STXBP5: variants seen among roughly 807,000 people sequenced by gnomAD.
The protein encoded by STXBP5 is syntaxin binding protein 5.
Under a neutral mutation model 152.4 loss-of-function variants are expected in STXBP5, and 50 were observed. The observed-to-expected ratio is 0.33, with a 90% CI of 0.26 to 0.42. The LOEUF (loss-of-function observed/expected upper bound fraction) is 0.42. Ranked by LOEUF, STXBP5 falls within the 10% of genes least tolerant of loss-of-function variation. STXBP5 has a pLI of 1.00. For missense variants in STXBP5, 1,167 were observed against 1,388.6 expected, an observed-to-expected ratio of 0.84 and a Z score of 2.54; for synonymous variants, 492 against 494.7, an observed-to-expected ratio of 0.99 and a Z score of 0.07.
At chr6:147,239,072 T>G (rs1415350826) in intron 3 of STXBP5, 98 bp from the exon 4 acceptor site, 1 of 1,087,716 alleles carries the variant, frequency 9.2e-7, no homozygotes, top group East Asian at 2.6e-5. Context: ...GGCAGAAAGT[T>G]TTGAAATTTG....
intron 9 of STXBP5, chr6:147,293,335 G>C (rs550688621): frequency 6.6e-6 from 1 of 152,176 alleles, no homozygotes; most frequent in African/African-American, 2.4e-5. Flanking sequence ...AATTTCTTTT[G>C]TCACCTAAGA....
At chr6:147,239,090 G>A (rs1778413126) in intron 3 of STXBP5, 80 bp from the exon 4 acceptor site, 2 of 1,258,848 alleles carry the variant, frequency 1.6e-6, no homozygotes, top group Non-Finnish European at 1.1e-6. Flanking sequence ...TTGGGAAGGA[G>A]ATATTTCTGG....
chr6:147,305,477 A>G (rs1782042826), intron 9 of STXBP5, among the ~76,000 whole-genome samples: 1 of 152,134 alleles, frequency 6.6e-6, no homozygotes, highest in Non-Finnish European at 1.5e-5. Flanking sequence ...AAGATTATTA[A>G]TATTTTTCGA....
In STXBP5 at chr6:147,314,678, A is replaced by G. The variant is rs780498800; in HGVS notation, c.1402+42A>G. 6.8e-6 allele frequency: 10 copies of G among 1,471,702 alleles called. No individual in the cohort carries two copies. The Admixed American group carries it at 9.6e-5, about 14-fold the overall frequency. 91.2% of individuals were successfully genotyped at this position (1,471,702 alleles called of 1,614,324 possible). A position where few individuals can be genotyped will look rare whatever the true frequency, so the allele number is the denominator to read the frequency against. Reference sequence around the variant, plus strand: ...TTCATTATTTGTTATATGTTATACAATCACTGCTTTTATGCATCCTGTTTT... The same window carrying G: ...TTCATTATTTGTTATATGTTATACAGTCACTGCTTTTATGCATCCTGTTTT... On this transcript the variant is annotated intron_variant, in intron 14 of 27. Transcript: ENST00000321680.
chr6:147,383,796 T>G (rs1786211593), intron 27 of STXBP5, among the ~76,000 whole-genome samples: 1 of 152,072 alleles, frequency 6.6e-6, no homozygotes, highest in South Asian at 2.1e-4. Flanking sequence ...CAACCAAAAG[T>G]CATTTCCTCC....
chr6:147,373,866 A>G (rs749134003), intron 26 of STXBP5, 24 bp downstream of exon 26: 2 of 1,554,346 alleles, frequency 1.3e-6, no homozygotes, highest in Non-Finnish European at 1.8e-6. Flanking sequence ...TTTAATTCGG[A>G]TAATATATCT....
chr6:147,233,888 CTACTATTACTACTAA>C (rs545288373), intron 2 of STXBP5, among the ~76,000 whole-genome samples: 224 of 150,096 alleles, frequency 1.5e-3, no homozygotes, highest in Non-Finnish European at 2.7e-3. Flanking sequence ...ATTACTACTA[CTACTATTACTACTAA>C]CAATAATTCT....
intron 8 of STXBP5, among the ~76,000 whole-genome samples, chr6:147,285,732 G>T (rs1780928789): frequency 6.6e-6 from 1 of 151,992 alleles, no homozygotes; most frequent in Non-Finnish European, 1.5e-5. Flanking sequence ...TACCTAGCCA[G>T]GTTTTTTGCA....
intron 22 of STXBP5, among the ~76,000 whole-genome samples, chr6:147,355,429 T>A (rs893609195): frequency 6.6e-6 from 1 of 152,158 alleles, no homozygotes; most frequent in Non-Finnish European, 1.5e-5. Context: ...TGCAGCTGGA[T>A]GGAGGCATTA....
At position 147,384,815 on chromosome 6, in the gene STXBP5, A is replaced by G; in HGVS notation, c.*60A>G. 1 of 1,527,690 alleles carries G rather than the reference A, an allele frequency of 6.5e-7. No individual in the cohort carries two copies. Among genetic ancestry groups the G allele is most frequent in the Non-Finnish European group, 9.0e-7 (1 of 1,111,546 alleles). The allele number at this position is 1,527,690 out of a possible 1,614,324, so 94.6% of individuals were successfully genotyped here. A position where few individuals can be genotyped will look rare whatever the true frequency, so the allele number is the denominator to read the frequency against. ...AGGAAAAAAGTTTTCCATTTTTATT[A>G]CATTCTTTAGGAAAGTTAACGTTAA... On this transcript the variant is annotated 3_prime_UTR_variant, in exon 28 of 28. Coordinates refer to ENST00000321680, the MANE Select transcript of STXBP5 (RefSeq NM_001127715.4).
At chr6:147,328,795 TGCCTTGGCA>T in intron 18 of STXBP5, 1 of 469,292 alleles carries the variant, frequency 2.1e-6, no homozygotes, top group Admixed American at 2.4e-5. Context: ...AAGTCATTTA[TGCCTTGGCA>T]TGTTTGTTCT....
At chr6:147,348,697 A>T (rs1273728828) in intron 21 of STXBP5, among the ~76,000 whole-genome samples, 1 of 152,162 alleles carries the variant, frequency 6.6e-6, no homozygotes, top group Non-Finnish European at 1.5e-5. Context: ...ATAAAACTCT[A>T]TCCTAAGGAA....
At chr6:147,257,639 A>G (rs995836849) in intron 4 of STXBP5, among the ~76,000 whole-genome samples, 1 of 152,166 alleles carries the variant, frequency 6.6e-6, no homozygotes, top group Non-Finnish European at 1.5e-5. Context: ...CCACAGCAGT[A>G]TTTCAGCTTC....
intron 25 of STXBP5, among the ~76,000 whole-genome samples, chr6:147,366,874 T>G (rs1272631784): frequency 6.6e-6 from 1 of 152,174 alleles, no homozygotes; most frequent in African/African-American, 2.4e-5. Context: ...AGAATGAAAT[T>G]CAAGAAAACT....
intron 5 of STXBP5, among the ~76,000 whole-genome samples, chr6:147,261,040 A>G (rs1286545515): frequency 1.3e-5 from 2 of 152,004 alleles, no homozygotes; most frequent in African/African-American, 4.8e-5. Flanking sequence ...AATGAAAATC[A>G]TCTAATTTTT....
At chr6:147,370,728 C>G (rs535923758) in intron 25 of STXBP5, among the ~76,000 whole-genome samples, 23 of 152,086 alleles carry the variant, frequency 1.5e-4, no homozygotes, top group African/African-American at 5.5e-4. Context: ...AACAAAACCC[C>G]AAGTAATCAC....
chr6:147,380,223 GAA>G (rs1370866047), intron 26 of STXBP5, among the ~76,000 whole-genome samples: 2 of 143,300 alleles, frequency 1.4e-5, no homozygotes, highest in Non-Finnish European at 3.0e-5. Context: ...TATTGAAAAA[GAA>G]AAAAGCTGGA....
intron 2 of STXBP5, among the ~76,000 whole-genome samples, chr6:147,224,530 A>C (rs1777614937): frequency 6.6e-6 from 1 of 152,234 alleles, no homozygotes; most frequent in African/African-American, 2.4e-5. Context: ...TTAAGAATGC[A>C]AATGACGTTT....
intron 21 of STXBP5, among the ~76,000 whole-genome samples, chr6:147,352,572 C>G (rs1377590052): frequency 6.6e-6 from 1 of 152,170 alleles, no homozygotes; most frequent in Non-Finnish European, 1.5e-5. Context: ...GATCACACCA[C>G]TGCATTTCAG....
Sources: gnomAD v4.1 joint callset for allele counts (sites outside exome capture counted in the v4.1 genomes callset) on GRCh38, gnomAD v4.1.1 for gene constraint, MANE v1.5 for transcripts, NCBI Gene and HGNC (gene_info 2026-07-23, HGNC 2026-07-21) for gene names.